GBE1: variants seen among roughly 807,000 people sequenced by gnomAD.
GBE1 encodes the protein 1,4-alpha-glucan-branching enzyme.
In GBE1, 70 loss-of-function variants were observed where a neutral mutation model predicts 88.8. The observed-to-expected ratio is 0.79, with a 90% confidence interval of 0.65 to 0.96. The LOEUF is 0.96. Ranked by LOEUF, GBE1 falls within the 40% of genes least tolerant of loss-of-function variation. The pLI is 0.00. For missense variants in GBE1, 872 were observed against 871.0 expected, an observed-to-expected ratio of 1.00 and a Z score of -0.01; for synonymous variants, 284 against 300.1, an observed-to-expected ratio of 0.95 and a Z score of 0.56.
intron 1 of GBE1, among the ~76,000 whole-genome samples, chr3:81,716,688 A>T (rs1705941929): frequency 6.6e-6 from 1 of 152,192 alleles, no homozygotes; most frequent in Non-Finnish European, 1.5e-5. Context: ...ACCTACTATA[A>T]AGCCATTAAT....
At chr3:81,496,937 T>C (rs1702507391) in intron 15 of GBE1, among the ~76,000 whole-genome samples, 2 of 152,166 alleles carry the variant, frequency 1.3e-5, no homozygotes, top group Admixed American at 1.3e-4. Context: ...CTAGCCCTTA[T>C]CTCACGGCTG....
Position 81,490,357 on chromosome 3 carries a change from A to G in GBE1, c.*50T>C, listed in dbSNP as rs1353958345. 2.7e-6 allele frequency: 4 copies of G among 1,459,092 alleles called. No homozygotes were observed. The highest frequency in any genetic ancestry group is 3.8e-6 in the Non-Finnish European group (4 of 1,039,130). 90.4% of individuals were successfully genotyped at this position (1,459,092 alleles called of 1,614,324 possible). ...TTATAAGCTGTGTGACAGTGATAAC[A>G]AGAAAACAAAACACAAATCTGCATC... is the stretch of plus-strand genomic sequence containing the variant. On this transcript the variant is annotated 3_prime_UTR_variant, in exon 16 of 16. Coordinates refer to ENST00000429644, the MANE Select transcript of GBE1 (RefSeq NM_000158.4).
chr3:81,593,864 G>T, intron 8 of GBE1, 44 bp downstream of exon 8: 1 of 923,642 alleles, frequency 1.1e-6, no homozygotes, highest in Non-Finnish European at 1.7e-6. Flanking sequence ...GGCTATTGCA[G>T]CTTCTGCAAT....
chr3:81,646,162 G>C (rs780104272), intron 6 of GBE1, among the ~76,000 whole-genome samples: 5 of 152,140 alleles, frequency 3.3e-5, no homozygotes, highest in Non-Finnish European at 7.4e-5. Context: ...CAGGTAACTG[G>C]ACATTCTATA....
chr3:81,566,047 G>A (rs1261650382), intron 12 of GBE1, among the ~76,000 whole-genome samples: 4 of 152,248 alleles, frequency 2.6e-5, no homozygotes, highest in Non-Finnish European at 2.9e-5. Flanking sequence ...TGTTTGTTAC[G>A]GGAAATCCAA....
chr3:81,567,762 G>C (rs552166241), intron 12 of GBE1, among the ~76,000 whole-genome samples: 95 of 152,104 alleles, frequency 6.2e-4, no homozygotes, highest in Non-Finnish European at 1.3e-3. Flanking sequence ...TCACTCTTTT[G>C]ACTACTTCAA....
chr3:81,734,646 T>A (rs1490778816), intron 1 of GBE1, among the ~76,000 whole-genome samples: 1 of 152,150 alleles, frequency 6.6e-6, no homozygotes, highest in African/African-American at 2.4e-5. Context: ...AAGGTCTCCA[T>A]GAGCCATATT....
At chr3:81,705,670 C>G in intron 1 of GBE1, 57 bp from the exon 2 acceptor site, 1 of 1,201,712 alleles carries the variant, frequency 8.3e-7, no homozygotes, top group Non-Finnish European at 1.1e-6. Context: ...TCTAGAAAAG[C>G]TACTGTAATT....
chr3:81,495,115 A>G (rs1702483154), intron 15 of GBE1, among the ~76,000 whole-genome samples: 1 of 152,228 alleles, frequency 6.6e-6, no homozygotes, highest in Admixed American at 6.5e-5. Flanking sequence ...TGGGTCGGGC[A>G]TAGTGGCTCA....
intron 2 of GBE1, among the ~76,000 whole-genome samples, chr3:81,675,330 T>C (rs982122033): frequency 3.3e-5 from 5 of 151,956 alleles, no homozygotes; most frequent in South Asian, 2.1e-4. Context: ...ACATGAAATA[T>C]AGGATTTAAG....
Position 81,649,915 on chromosome 3 carries a change from T to C in GBE1, c.436A>G (p.Ile146Val). The change falls in exon 4 of 16, where the codon ATT becomes GTT. Residue 146 changes from isoleucine to valine, a missense_variant. Ile to Val is a conservative substitution (Grantham distance 29, BLOSUM62 3). Transcript: ENST00000429644. ...AAGATCTCTCCGCTTTTACTAGTAA[T>C]AACTACCTAAAAAGAGAATGACATG... ...VPHGSKLKVVITSKSGEILYR... is the reference protein window; with the variant it reads ...VPHGSKLKVVVTSKSGEILYR... 1 of 1,606,106 alleles carries C rather than the reference T, an allele frequency of 6.2e-7. No individual in the cohort carries two copies. Among genetic ancestry groups the C allele is most frequent in the Non-Finnish European group, 8.5e-7 (1 of 1,173,888 alleles).
chr3:81,758,411 A>G (rs1258410537), intron 1 of GBE1, among the ~76,000 whole-genome samples: 3 of 152,242 alleles, frequency 2.0e-5, no homozygotes, highest in African/African-American at 7.2e-5. Flanking sequence ...ACTCACTGCT[A>G]GGCAAAAGCT....
intron 2 of GBE1, among the ~76,000 whole-genome samples, chr3:81,682,783 A>G (rs1705370510): frequency 6.6e-6 from 1 of 152,238 alleles, no homozygotes; most frequent in African/African-American, 2.4e-5. Flanking sequence ...ACATGTCAAC[A>G]CAAAAACTTG....
At chr3:81,516,324 A>G (rs1413378769) in intron 14 of GBE1, among the ~76,000 whole-genome samples, 1 of 151,514 alleles carries the variant, frequency 6.6e-6, no homozygotes, top group African/African-American at 2.4e-5. Flanking sequence ...GTGCTCTATA[A>G]ATGTAACCAC....
intron 7 of GBE1, among the ~76,000 whole-genome samples, chr3:81,624,389 C>T (rs1704374876): frequency 6.6e-6 from 1 of 152,152 alleles, no homozygotes; most frequent in Non-Finnish European, 1.5e-5. Context: ...AGGATTCTCA[C>T]AAGCATATTA....
chr3:81,490,982 C>A (rs1702428760), intron 15 of GBE1, among the ~76,000 whole-genome samples: 1 of 152,030 alleles, frequency 6.6e-6, no homozygotes. Flanking sequence ...TTCAGATTCT[C>A]TCCATGGCAT....
intron 14 of GBE1, among the ~76,000 whole-genome samples, chr3:81,517,623 CTTA>C (rs146869578): frequency 0.06 from 9,046 of 151,254 alleles, 433 homozygotes; most frequent in African/African-American, 0.12. Context: ...GACAGTAGAT[CTTA>C]TTATGAAGAT....
chr3:81,626,652 G>C lies in GBE1; in HGVS notation c.992+16129C>G, dbSNP rs1284882918. On this transcript the variant is annotated intron_variant, in intron 7 of 15. Coordinates refer to ENST00000429644, the MANE Select transcript of GBE1 (RefSeq NM_000158.4). Reference sequence around the variant, plus strand: ...TGCATGAAAAGCACTGGAGTGGCTAGAGCGTAGTAAGCAAGAGAAAAAGGA... The same window carrying C: ...TGCATGAAAAGCACTGGAGTGGCTACAGCGTAGTAAGCAAGAGAAAAAGGA... Among the ~76,000 whole-genome samples the C allele has an allele frequency of 6.0e-5, 9 of 150,776 alleles. No individual in the cohort carries two copies. The East Asian group carries it at 1.6e-3, about 26-fold the overall frequency.
intron 3 of GBE1, among the ~76,000 whole-genome samples, chr3:81,670,582 T>C (rs888124562): frequency 6.6e-6 from 1 of 152,224 alleles, no homozygotes; most frequent in Non-Finnish European, 1.5e-5. Flanking sequence ...ACTTTTAATA[T>C]ATCATTTCTT....
Sources: allele counts gnomAD v4.1 joint callset (sites outside exome capture counted in the v4.1 genomes callset), GRCh38; gene constraint gnomAD v4.1.1; transcripts MANE v1.5; gene names NCBI Gene and HGNC (gene_info 2026-07-23, HGNC 2026-07-21).